The following UBXN4 variants were observed in gnomAD, a reference collection of about 807,000 sequenced individuals.
The protein encoded by UBXN4 is UBX domain protein 4.
UBXN4 carries 35 observed loss-of-function variants against 66.2 expected under a neutral mutation model. The ratio of observed to expected loss-of-function variants is 0.53; its 90% CI spans 0.40 to 0.70. The LOEUF is 0.70. Among genes scored for constraint, UBXN4 ranks in the 30% least tolerant of loss-of-function variants. UBXN4 has a pLI of 0.00. For missense variants in UBXN4, 533 were observed against 599.8 expected, an observed-to-expected ratio of 0.89 and a Z score of 1.16; for synonymous variants, 203 against 204.5, an observed-to-expected ratio of 0.99 and a Z score of 0.06.
At chr2:135,776,655 G>A (rs1316422097) in intron 10 of UBXN4, among the ~76,000 whole-genome samples, 1 of 152,178 alleles carries the variant, frequency 6.6e-6, no homozygotes, top group Non-Finnish European at 1.5e-5. Context: ...GTGCAGTGGT[G>A]CGATCACAGC....
intron 6 of UBXN4, among the ~76,000 whole-genome samples, chr2:135,763,247 C>T (rs1052353525): frequency 6.6e-6 from 1 of 152,172 alleles, no homozygotes; most frequent in Admixed American, 6.5e-5. Flanking sequence ...GAGTTGCCAT[C>T]GTTCTCACCA....
rs2077459855 is a variant in UBXN4 at position 135,783,047 on chromosome 2, G to A, written c.*160G>A. 1.5e-6 allele frequency: 1 copy of A among 686,854 alleles called. No individual in the cohort carries two copies. The highest frequency in any genetic ancestry group is 1.8e-5 in the African/African-American group (1 of 55,704). The allele number at this position is 686,854 out of a possible 1,614,324, so 42.5% of individuals were successfully genotyped here. The stretch of plus-strand genomic sequence containing the variant: ...GTGTGGGTTGAAGGTGTTTAACTCA[G>A]AAAAGTAAAGACAGGAAATAACTCT... On this transcript the variant is annotated 3_prime_UTR_variant, in exon 13 of 13. Coordinates refer to ENST00000272638, the MANE Select transcript of UBXN4 (RefSeq NM_014607.4).
intron 6 of UBXN4, among the ~76,000 whole-genome samples, chr2:135,764,049 G>A (rs1360834115): frequency 3.9e-5 from 6 of 151,930 alleles, no homozygotes; most frequent in Non-Finnish European, 7.4e-5. Flanking sequence ...GCTTGAACCC[G>A]GGATGCAGAG....
In UBXN4 at chr2:135,780,179, C is replaced by G; in HGVS notation, c.1186-4C>G. 6.2e-7 allele frequency: 1 copy of G among 1,613,898 alleles called. No individual in the cohort carries two copies. The highest frequency in any genetic ancestry group is 8.5e-7 in the Non-Finnish European group (1 of 1,179,930). ...TTTATCTAGGTTTGTTTATTAATTT[C>G]TAGGCAGGAAGACCAACTGCATCCA... On this transcript the variant is annotated splice_polypyrimidine_tract_variant and splice_region_variant and intron_variant, in intron 11 of 12. Coordinates refer to ENST00000272638, the MANE Select transcript of UBXN4 (RefSeq NM_014607.4).
At chr2:135,766,151 C>T (rs1174583756) in intron 6 of UBXN4, among the ~76,000 whole-genome samples, 1 of 147,488 alleles carries the variant, frequency 6.8e-6, no homozygotes, top group Non-Finnish European at 1.5e-5. Flanking sequence ...GAAAAGCCAT[C>T]TCAAAAAAAA....
intron 2 of UBXN4, among the ~76,000 whole-genome samples, chr2:135,750,693 C>CT (rs201911359): frequency 0.018 from 2,602 of 146,200 alleles, 64 homozygotes; most frequent in African/African-American, 0.058. Flanking sequence ...TTAAGTATAT[C>CT]TTTTTTTTTT....
chr2:135,778,827 A>G lies in UBXN4; in HGVS notation c.1054-121A>G, dbSNP rs1003578206. The G allele has an allele frequency of 4.6e-6, 5 of 1,087,166 alleles. No homozygotes were observed. In the African/African-American group the frequency reaches 4.9e-5, roughly 11 times the overall value. 67.3% of individuals were successfully genotyped at this position (1,087,166 alleles called of 1,614,324 possible). A position where few individuals can be genotyped will look rare whatever the true frequency, so the allele number is the denominator to read the frequency against. On this transcript the variant is annotated intron_variant, in intron 10 of 12. Coordinates refer to ENST00000272638, the MANE Select transcript of UBXN4 (RefSeq NM_014607.4). ...AAGCACAATTTTATACCTTTTTTTG[A>G]GTTTACATGTAATGAACTTTTAAAA...
intron 4 of UBXN4, 50 bp downstream of exon 4, chr2:135,754,327 G>C: frequency 2.7e-6 from 4 of 1,463,826 alleles, no homozygotes; most frequent in Non-Finnish European, 3.8e-6. Context: ...TCAGGAATTG[G>C]ATTTTTTTTT....
Position 135,748,285 on chromosome 2 carries a change from C to G in UBXN4, c.101C>G (p.Thr34Arg), listed in dbSNP as rs181244197. 32 of 1,606,652 alleles carry G rather than the reference C, an allele frequency of 2.0e-5. No homozygotes were observed. The Admixed American group carries it at 5.4e-4, about 27-fold the overall frequency. ...VFVAGDDEQS[T>R]QMAASWEDDK... is the part of the protein sequence containing the mutation. ...TTTACAGGTGATGATGAACAGTCTACACAGATGGCTGCAAGTTGGGAAGAT... is the reference window on the plus strand; with the variant it reads ...TTTACAGGTGATGATGAACAGTCTAGACAGATGGCTGCAAGTTGGGAAGAT... The change falls in exon 2 of 13, where the codon ACA (threonine) becomes AGA (arginine). Residue 34 changes from threonine (T) to arginine (R), a missense_variant. Physicochemically the swap from Thr to Arg is moderately conservative, Grantham distance 71. This residue lies in a region of UBXN4 where 529 missense variants were observed against 580.1 expected (regional missense o/e 0.91). Transcript: ENST00000272638.
chr2:135,776,041 T>G (rs1403845401), intron 9 of UBXN4, among the ~76,000 whole-genome samples: 1 of 152,246 alleles, frequency 6.6e-6, no homozygotes, highest in African/African-American at 2.4e-5. Context: ...AGTGCTGGGA[T>G]TACAGGCGTG....
intron 9 of UBXN4, among the ~76,000 whole-genome samples, chr2:135,773,203 T>C (rs2077394325): frequency 6.6e-6 from 1 of 152,228 alleles, no homozygotes; most frequent in South Asian, 2.1e-4. Flanking sequence ...ATACATTGGC[T>C]CTGCAGTTCA....
At chr2:135,753,817 A>G (rs1266506878) in intron 3 of UBXN4, 2 of 451,094 alleles carry the variant, frequency 4.4e-6, no homozygotes, top group Non-Finnish European at 7.8e-6. Flanking sequence ...AAGATAGGAT[A>G]GGGAGTTTTT....
rs1382115120 is a variant in UBXN4 at position 135,769,792 on chromosome 2, G to A, written c.626G>A (p.Arg209Lys). 3.1e-6 allele frequency: 5 copies of A among 1,592,500 alleles called. No homozygotes were observed. The highest frequency in any genetic ancestry group is 2.7e-5 in the African/African-American group (2 of 73,546). The stretch of plus-strand genomic sequence containing the variant: ...AGACTAACAAAAAAACTTGAAGAAA[G>A]GAGAGAAGAGAAAAGAAAAGAGGAA... ...VERLTKKLEE[R>K]REEKRKEEEQ... Residue 209 changes from arginine to lysine, a missense_variant, in exon 7 of 13, where the codon AGG (arginine) becomes AAG (lysine). Arg to Lys is a conservative substitution (Grantham distance 26, BLOSUM62 2). This residue lies in a region of UBXN4 where 529 missense variants were observed against 580.1 expected (regional missense o/e 0.91). Coordinates refer to ENST00000272638, the MANE Select transcript of UBXN4 (RefSeq NM_014607.4).
rs78670352 is a variant in UBXN4, at chr2:135,773,169, C to T, written c.950+622C>T. ...TCTTTATTTTTCAGAATCCCCTATC[C>T]GATAGGATTAAGCAAAAGAGGAAAT... On this transcript the variant is annotated intron_variant, in intron 9 of 12. Coordinates refer to ENST00000272638, the MANE Select transcript of UBXN4 (RefSeq NM_014607.4). 7.4e-3 allele frequency among the ~76,000 whole-genome samples: 1,133 copies of T among 152,144 alleles called. 13 individuals are homozygous for T. Among genetic ancestry groups the T allele is most frequent in the African/African-American group, 0.026 (1,063 of 41,500 alleles).
chr2:135,755,938 G>A (rs954714556), intron 5 of UBXN4, among the ~76,000 whole-genome samples: 12 of 152,156 alleles, frequency 7.9e-5, no homozygotes, highest in Admixed American at 6.5e-4. Context: ...CTGCTATTGC[G>A]CTGCATGCTT....
chr2:135,742,887 A>G (rs1028281996), intron 1 of UBXN4: 1 of 151,450 alleles, frequency 6.6e-6, no homozygotes, highest in African/African-American at 2.4e-5. Context: ...TTCTTAGGCT[A>G]AAATCTACAC....
chr2:135,743,622 A>G (rs1280743390), intron 1 of UBXN4, among the ~76,000 whole-genome samples: 2 of 152,240 alleles, frequency 1.3e-5, no homozygotes, highest in Non-Finnish European at 2.9e-5. Context: ...TCTTAAGGAA[A>G]AAACTGAACA....
intron 2 of UBXN4, among the ~76,000 whole-genome samples, chr2:135,749,145 A>C (rs962471986): frequency 5.9e-5 from 9 of 152,216 alleles, no homozygotes; most frequent in Admixed American, 5.2e-4. Flanking sequence ...TCCTGCTGAA[A>C]AAACTTTAAG....
chr2:135,758,154 A>C (rs1369717363), intron 5 of UBXN4, among the ~76,000 whole-genome samples: 1 of 150,848 alleles, frequency 6.6e-6, no homozygotes, highest in Non-Finnish European at 1.5e-5. Flanking sequence ...GGCTCACCAC[A>C]ACCTCCATCT....
Sources: allele counts gnomAD v4.1 joint callset (sites outside exome capture counted in the v4.1 genomes callset), GRCh38; gene constraint gnomAD v4.1.1; regional missense constraint gnomAD v4.1.1; transcripts MANE v1.5; gene names NCBI Gene and HGNC (gene_info 2026-07-23, HGNC 2026-07-21).